P2RY14: variants seen among roughly 807,000 people sequenced by gnomAD.
P2RY14 encodes the protein purinergic receptor P2Y14.
Under a neutral mutation model 0.9 loss-of-function variants are expected in P2RY14, and 2 were observed. The observed-to-expected ratio is 2.16, with a 90% CI of 0.88 to 6.79. The LOEUF (loss-of-function observed/expected upper bound fraction) is 6.79. Ranked by LOEUF, P2RY14 falls within the 30% of genes most tolerant of loss-of-function variation. The probability of loss-of-function intolerance (pLI) is 0.05; values close to 1 mark genes in which losing one functional copy is unlikely to be tolerated. For synonymous variants in P2RY14, 158 were observed against 147.2 expected, an observed-to-expected ratio of 1.07 and a Z score of -0.53; for missense variants, 378 against 400.1, an observed-to-expected ratio of 0.94 and a Z score of 0.47.
At chr3:151,250,639 T>C (rs2149447054) in intron 1 of P2RY14, among the ~76,000 whole-genome samples, 1 of 152,350 alleles carries the variant, frequency 6.6e-6, no homozygotes, top group African/African-American at 2.4e-5. Flanking sequence ...TTCCGCTCTA[T>C]GTATATACCA....
chr3:151,260,539 A>AG (rs1336493516), intron 1 of P2RY14, among the ~76,000 whole-genome samples: 2 of 152,174 alleles, frequency 1.3e-5, no homozygotes, highest in Middle Eastern at 3.4e-3. Flanking sequence ...TCATAGAGAT[A>AG]GGGGTCTCAC....
At chr3:151,242,066 G>A (rs1418458264) in intron 1 of P2RY14, among the ~76,000 whole-genome samples, 2 of 152,058 alleles carry the variant, frequency 1.3e-5, no homozygotes, top group Non-Finnish European at 2.9e-5. Flanking sequence ...CTTTTCCGAC[G>A]GGCTTAAAAA....
At chr3:151,245,308 C>G (rs904659830) in intron 1 of P2RY14, among the ~76,000 whole-genome samples, 8 of 151,818 alleles carry the variant, frequency 5.3e-5, no homozygotes, top group South Asian at 2.1e-4. Flanking sequence ...TGGGCAGAGA[C>G]ACAACCAACA....
rs559420127 is a variant in P2RY14, at chr3:151,230,586, G to A, written c.-132-10944C>T. ...TACTCCACGCTTTTTTTTTTTTTTT[G>A]AATGCACTTCCACTTCCTTCTAATG... On this transcript the variant is annotated intron_variant, in intron 1 of 2. Coordinates refer to ENST00000309170, the MANE Select transcript of P2RY14 (RefSeq NM_014879.4). Among the ~76,000 whole-genome samples the A allele has an allele frequency of 6.4e-3, 761 of 119,438 alleles. 14 individuals carry two copies. Among genetic ancestry groups the A allele is most frequent in the African/African-American group, 0.022 (713 of 31,710 alleles). 78.4% of individuals were successfully genotyped at this position (119,438 alleles called of 152,430 possible).
At chr3:151,277,082 G>C (rs1741988020) in intron 1 of P2RY14, among the ~76,000 whole-genome samples, 1 of 151,938 alleles carries the variant, frequency 6.6e-6, no homozygotes, top group Admixed American at 6.5e-5. Flanking sequence ...ATTTTTAGTG[G>C]AGATAGGGGT....
chr3:151,262,495 A>G (rs1379251699), intron 1 of P2RY14, among the ~76,000 whole-genome samples: 2 of 152,200 alleles, frequency 1.3e-5, no homozygotes, highest in East Asian at 1.9e-4. Flanking sequence ...TCAGCCATAG[A>G]CTTTACATAG....
At chr3:151,223,919 C>T (rs984064689) in intron 1 of P2RY14, among the ~76,000 whole-genome samples, 2 of 152,172 alleles carry the variant, frequency 1.3e-5, no homozygotes, top group Admixed American at 1.3e-4. Flanking sequence ...CAACCAAATA[C>T]CTCGTGTTTT....
At chr3:151,231,518 A>G (rs987440516) in intron 1 of P2RY14, among the ~76,000 whole-genome samples, 2 of 152,244 alleles carry the variant, frequency 1.3e-5, no homozygotes, top group Non-Finnish European at 2.9e-5. Flanking sequence ...TGTATCAAAA[A>G]TCTTCAATGA....
In P2RY14 at chr3:151,213,200, G is replaced by A. The variant is rs1210008317; in HGVS notation, c.*100C>T. 5 of 906,896 alleles carry A rather than the reference G, an allele frequency of 5.5e-6. No individual in the cohort carries two copies. Among genetic ancestry groups the A allele is most frequent in the Non-Finnish European group, 8.5e-6 (5 of 591,506 alleles). 56.2% of individuals were successfully genotyped at this position (906,896 alleles called of 1,614,324 possible). On this transcript the variant is annotated 3_prime_UTR_variant, in exon 3 of 3. Coordinates refer to ENST00000309170, the MANE Select transcript of P2RY14 (RefSeq NM_014879.4). ...AACTAAATTGGATGGCAGTGCTAGAGATGATATTTATGATGAGGGCACATA... is the reference window on the plus strand; with the variant it reads ...AACTAAATTGGATGGCAGTGCTAGAAATGATATTTATGATGAGGGCACATA...
intron 1 of P2RY14, chr3:151,269,618 A>T: frequency 2.8e-6 from 1 of 357,764 alleles, no homozygotes; most frequent in Non-Finnish European, 5.4e-6. Context: ...GGGGAGGAAG[A>T]CAAAGAGGCA....
chr3:151,242,567 C>G (rs551649021), intron 1 of P2RY14, among the ~76,000 whole-genome samples: 59 of 151,706 alleles, frequency 3.9e-4, no homozygotes, highest in South Asian at 1.7e-3. Context: ...CTGTCTGTTA[C>G]AAGGAAAACT....
chr3:151,271,950 G>T (rs139663298), intron 1 of P2RY14, among the ~76,000 whole-genome samples: 284 of 152,244 alleles, frequency 1.9e-3, no homozygotes, highest in Non-Finnish European at 3.3e-3. Flanking sequence ...AAACCTCAAT[G>T]AACTCTACAC....
In P2RY14 at chr3:151,222,675, C is replaced by G. The variant is rs531497416; in HGVS notation, c.-132-3033G>C. Among the ~76,000 whole-genome samples the G allele has an allele frequency of 6.6e-5, 10 of 152,278 alleles. No individual in the cohort carries two copies. In the South Asian group the frequency reaches 1.9e-3, roughly 28 times the overall value. ...TAAACCTCTTTCTTTTGTAAATTGC[C>G]CATTCTCAAATATGTCTTTATCAGC... On this transcript the variant is annotated intron_variant, in intron 1 of 2. Transcript: ENST00000309170.
intron 1 of P2RY14, among the ~76,000 whole-genome samples, chr3:151,252,846 C>G (rs936505044): frequency 1.3e-5 from 2 of 151,970 alleles, no homozygotes; most frequent in African/African-American, 2.4e-5. Flanking sequence ...TTAACCAAAA[C>G]TGGTATTTGG....
At chr3:151,270,836 T>TC (rs1169059114) in intron 1 of P2RY14, among the ~76,000 whole-genome samples, 9 of 152,212 alleles carry the variant, frequency 5.9e-5, no homozygotes, top group Non-Finnish European at 1.2e-4. Flanking sequence ...GATGGGACAA[T>TC]CCACAGAACC....
At chr3:151,220,225 A>G (rs1484004584) in intron 1 of P2RY14, among the ~76,000 whole-genome samples, 1 of 151,516 alleles carries the variant, frequency 6.6e-6, no homozygotes, top group African/African-American at 2.4e-5. Context: ...GATTACCACC[A>G]GTGTAATGAG....
intron 1 of P2RY14, among the ~76,000 whole-genome samples, chr3:151,239,657 T>A (rs1298891660): frequency 6.6e-6 from 1 of 152,210 alleles, no homozygotes. Context: ...ACACAAAAGC[T>A]CTTTGAGGTC....
intron 1 of P2RY14, among the ~76,000 whole-genome samples, chr3:151,253,177 A>G (rs1023306736): frequency 3.9e-5 from 6 of 152,202 alleles, no homozygotes; most frequent in African/African-American, 1.4e-4. Flanking sequence ...CTGTATAGTG[A>G]TATAAATGTC....
In P2RY14 at chr3:151,250,252, CTT is replaced by C. The variant is rs535734743; in HGVS notation, c.-133+28033_-133+28034del. Reference sequence around the variant, plus strand: ...TGACATTTTGAAAGATTTTTTTTGTCTTTGAGGTAGCTTTTTTGGGATTGTGG... The same window carrying C: ...TGACATTTTGAAAGATTTTTTTTGTCTGAGGTAGCTTTTTTGGGATTGTGG... On this transcript the variant is annotated intron_variant, in intron 1 of 2. Transcript: ENST00000309170. 3.1e-3 allele frequency among the ~76,000 whole-genome samples: 469 copies of C among 152,196 alleles called. 4 individuals are homozygous for C. Among genetic ancestry groups the C allele is most frequent in the African/African-American group, 0.011 (455 of 41,514 alleles).
Sources: gnomAD v4.1 joint callset for allele counts (sites outside exome capture counted in the v4.1 genomes callset) on GRCh38, gnomAD v4.1.1 for gene constraint, MANE v1.5 for transcripts, NCBI Gene and HGNC (gene_info 2026-07-23, HGNC 2026-07-21) for gene names.